Variants in SMTN observed in about 807,000 individuals in gnomAD.
SMTN encodes the protein smoothelin.
SMTN carries 58 observed loss-of-function variants against 102.0 expected under a neutral mutation model. The observed-to-expected ratio is 0.57, with a 90% CI of 0.46 to 0.71. The LOEUF is 0.71. Ranked by LOEUF, SMTN falls within the 30% of genes least tolerant of loss-of-function variation. The probability of loss-of-function intolerance (pLI) is 0.00; values close to 1 mark genes in which losing one functional copy is unlikely to be tolerated. For synonymous variants in SMTN, 478 were observed against 497.9 expected (o/e 0.96, Z 0.53); for missense variants, 1,185 against 1,241.7 (o/e 0.95, Z 0.69).
At chr22:31,070,304 AT>A (rs1252388413) in intron 1 of SMTN, among the ~76,000 whole-genome samples, 2 of 151,988 alleles carry the variant, frequency 1.3e-5, no homozygotes, top group African/African-American at 4.8e-5. Context: ...CCGTTTTCTC[AT>A]TTTGCACCAG....
chr22:31,070,880 C>T (rs2041980152), intron 1 of SMTN, among the ~76,000 whole-genome samples: 1 of 143,802 alleles, frequency 7.0e-6, no homozygotes, highest in African/African-American at 2.6e-5. Flanking sequence ...GCTGAGATCA[C>T]GCCATTGCAC....
chr22:31,085,040 G>A (rs2147593641), intron 2 of SMTN: 1 of 1,512,312 alleles, frequency 6.6e-7, no homozygotes, highest in East Asian at 2.5e-5. Context: ...TTCCGGCCCC[G>A]GCTCCCGCAC....
In SMTN at chr22:31,095,626, C is replaced by T; in HGVS notation, c.1861+17C>T. 6.2e-7 allele frequency: 1 copy of T among 1,603,032 alleles called. No individual in the cohort carries two copies. Among genetic ancestry groups the T allele is most frequent in the Non-Finnish European group, 8.5e-7 (1 of 1,174,094 alleles). ...GGAAGAGAGGTAGAGAGCCAGTTGC[C>T]CTACCCTAGATCCAGCTGCCCCATT... is the stretch of plus-strand genomic sequence containing the variant. On this transcript the variant is annotated intron_variant, in intron 13 of 20. Transcript: ENST00000333137. The surrounding 1 kb of genome is among the most constrained non-coding windows in gnomAD (Gnocchi z 4.1).
intron 1 of SMTN, among the ~76,000 whole-genome samples, chr22:31,069,138 G>T (rs2041934613): frequency 6.6e-6 from 1 of 152,120 alleles, no homozygotes; most frequent in Admixed American, 6.6e-5. Flanking sequence ...CCGGAGGCGG[G>T]GTTTGCCCCC....
At position 31,091,122 on chromosome 22, in the gene SMTN, C is replaced by A; in HGVS notation, c.1099C>A (p.Pro367Thr). 6.2e-7 allele frequency: 1 copy of A among 1,613,944 alleles called. No individual in the cohort carries two copies. The highest frequency in any genetic ancestry group is 1.3e-5 in the African/African-American group (1 of 75,014). Residue 367 changes from proline (P) to threonine (T), a missense_variant, in exon 10 of 21, where the codon CCC becomes ACC. Around this residue, in one of 2 missense-constraint regions of SMTN, gnomAD observed 1,096 missense variants for 1,112.7 expected, o/e 0.98. Coordinates refer to ENST00000333137, the MANE Select transcript of SMTN (RefSeq NM_134269.3). The stretch of plus-strand genomic sequence containing the variant: ...CCTGACCCCCGCAAGGCTCCTGGGC[C>A]CCTCCCTCACCAGCACCACCCCTGC... ...SPLTPARLLG[P>T]SLTSTTPASS...
chr22:31,088,665 A>C (rs1158509717), intron 4 of SMTN, 34 bp from the exon 5 acceptor site: 2 of 1,613,278 alleles, frequency 1.2e-6, no homozygotes, highest in Admixed American at 1.7e-5. Flanking sequence ...TGGACTCCAC[A>C]GCCCAACACC....
intron 18 of SMTN, chr22:31,099,476 C>T: frequency 1.7e-6 from 1 of 585,174 alleles, no homozygotes; most frequent in Non-Finnish European, 3.0e-6. Context: ...GAGTCAATTT[C>T]TCTAAATGAG....
Position 31,090,967 on chromosome 22 carries a change from C to T in SMTN, c.944C>T (p.Thr315Ile). The T allele has an allele frequency of 1.9e-6, 3 of 1,612,744 alleles. No individual in the cohort carries two copies. The highest frequency in any genetic ancestry group is 2.5e-6 in the Non-Finnish European group (3 of 1,179,124). Residue 315 changes from threonine to isoleucine, a missense_variant, in exon 10 of 21, where the codon ACC (threonine) becomes ATC (isoleucine). This residue lies in a region of SMTN where 1,096 missense variants were observed against 1,112.7 expected (regional missense o/e 0.98). Coordinates refer to ENST00000333137, the MANE Select transcript of SMTN (RefSeq NM_134269.3). ...PRQPAQNRES[T>I]PLASGPSSFQ... ...GCCCTCCTGTTCCTTCTAGAGTCCA[C>T]CCCCCTTGCCAGCGGACCTTCCTCA...
At chr22:31,099,570 T>C in intron 18 of SMTN, 175 bp from the exon 19 acceptor site, 2 of 668,586 alleles carry the variant, frequency 3.0e-6, no homozygotes, top group Non-Finnish European at 5.0e-6. Flanking sequence ...ATTGCAAATA[T>C]GGGAGTTGAC....
chr22:31,074,188 G>C (rs1270859128), intron 1 of SMTN, among the ~76,000 whole-genome samples: 1 of 151,944 alleles, frequency 6.6e-6, no homozygotes, highest in African/African-American at 2.4e-5. Flanking sequence ...AGGAGTTTGA[G>C]ACCAGCCTGG....
At chr22:31,076,840 T>C (rs948511084), upstream of SMTN, among the ~76,000 whole-genome samples, 44 of 152,216 alleles carry the variant, frequency 2.9e-4, 1 homozygote, top group African/African-American at 9.6e-4. Flanking sequence ...CACTGACAGG[T>C]TGGTAAAATA....
Position 31,104,338 on chromosome 22 carries a change from C to T in SMTN, c.*43C>T, listed in dbSNP as rs924011597. On this transcript the variant is annotated 3_prime_UTR_variant, in exon 21 of 21. Transcript: ENST00000333137. Reference sequence around the variant, plus strand: ...CAGGATGCTGGTGGACTGTGTGCCCCTGGTGGAGGTGGACGACATGATGAT... The same window carrying T: ...CAGGATGCTGGTGGACTGTGTGCCCTTGGTGGAGGTGGACGACATGATGAT... The T allele has an allele frequency of 3.1e-6, 5 of 1,614,094 alleles. No homozygotes were observed. Among genetic ancestry groups the T allele is most frequent in the African/African-American group, 1.3e-5 (1 of 74,938 alleles).
Position 31,095,682 on chromosome 22 carries a change from C to A in SMTN, c.1861+73C>A. ...GCTGCTCCCCTCATACTCTGGGGTC[C>A]ATTTGTGGACACCCCAGCTTAATAA... On this transcript the variant is annotated intron_variant, in intron 13 of 20. Transcript: ENST00000333137. This position sits in a 1 kb window ranked among gnomAD's most constrained non-coding sequence, Gnocchi z 4.1. The A allele has an allele frequency of 2.3e-6, 3 of 1,328,522 alleles. No individual in the cohort carries two copies. In the South Asian group the frequency reaches 3.9e-5, roughly 17 times the overall value. 82.3% of individuals were successfully genotyped at this position (1,328,522 alleles called of 1,614,324 possible). A position where few individuals can be genotyped will look rare whatever the true frequency, so the allele number is the denominator to read the frequency against.
chr22:31,090,275 C>T (rs1328897117), intron 8 of SMTN, 95 bp downstream of exon 8: 19 of 969,702 alleles, frequency 2.0e-5, no homozygotes, highest in Non-Finnish European at 2.8e-5. Flanking sequence ...TGCCTGGCAG[C>T]TCTAGCTTCC....
At chr22:31,084,954 A>C in intron 2 of SMTN, 1 of 1,400,852 alleles carries the variant, frequency 7.1e-7, no homozygotes, top group Non-Finnish European at 9.3e-7. Flanking sequence ...GGGCCGGGCC[A>C]TATAAGGAAA....
In SMTN at chr22:31,083,270, G is replaced by T; in HGVS notation, c.12G>T (p.Glu4Asp). The T allele has an allele frequency of 6.3e-7, 1 of 1,594,534 alleles. No individual in the cohort carries two copies. Residue 4 changes from glutamate (E) to aspartate (D), a missense_variant, in exon 2 of 21, where the codon GAG becomes GAT. Transcript: ENST00000333137. MAD[E>D]ALAGLDEGAL... is the part of the protein sequence containing the mutation. ...TAGGGGCCAGCGAGATGGCGGACGA[G>T]GCCTTAGCTGGGCTGGATGAGGGAG...
upstream of SMTN, among the ~76,000 whole-genome samples, chr22:31,078,147 T>G (rs931560066): frequency 1.3e-5 from 2 of 152,198 alleles, no homozygotes; most frequent in Admixed American, 1.3e-4. Context: ...ATTGTGCATA[T>G]GAGCAAGTTG....
At chr22:31,102,500 GCA>G in intron 20 of SMTN, 1 of 152,528 alleles carries the variant, frequency 6.6e-6, no homozygotes, top group Non-Finnish European at 1.5e-5. Context: ...GTCCACATGT[GCA>G]CACACACACT....
chr22:31,065,653 AT>A (rs879510149), intron 1 of SMTN: 2,195 of 144,782 alleles, frequency 0.015, 58 homozygotes, highest in African/African-American at 0.051. Flanking sequence ...CCTGGCCTAC[AT>A]TTTTTTTTTT....
Sources: gnomAD v4.1 joint callset for allele counts (sites outside exome capture counted in the v4.1 genomes callset) on GRCh38, gnomAD v4.1.1 for gene constraint, gnomAD v4.1.1 regional missense constraint, Gnocchi (gnomAD v3.1) non-coding constraint, MANE v1.5 for transcripts, NCBI Gene and HGNC (gene_info 2026-07-23, HGNC 2026-07-21) for gene names.